The following MAGI1 variants were observed in gnomAD, a reference collection of about 807,000 sequenced individuals.
MAGI1 encodes the protein membrane-associated guanylate kinase, WW and PDZ domain-containing protein 1.
MAGI1 carries 58 observed loss-of-function variants against 139.9 expected under a neutral mutation model. The observed-to-expected ratio is 0.41, with a 90% confidence interval of 0.34 to 0.52. The LOEUF (loss-of-function observed/expected upper bound fraction) is 0.52. Ranked by LOEUF, MAGI1 falls within the 20% of genes least tolerant of loss-of-function variation. The pLI, the probability that MAGI1 is intolerant of heterozygous loss-of-function variation, is 0.12. For synonymous variants in MAGI1, 812 were observed against 737.9 expected, an observed-to-expected ratio of 1.10 and a Z score of -1.63; for missense variants, 1,874 against 1,901.6, an observed-to-expected ratio of 0.99 and a Z score of 0.27.
chr3:65,809,974 CCTCTCT>C (rs146092715), intron 1 of MAGI1, among the ~76,000 whole-genome samples: 21 of 149,872 alleles, frequency 1.4e-4, no homozygotes, highest in Admixed American at 5.3e-4. Context: ...TCACATATAT[CCTCTCT>C]CTCTCTCTCT....
intron 1 of MAGI1, among the ~76,000 whole-genome samples, chr3:65,746,705 TATA>T (rs1423709343): frequency 6.6e-6 from 1 of 152,148 alleles, no homozygotes; most frequent in Non-Finnish European, 1.5e-5. Flanking sequence ...GGCATTAAAA[TATA>T]ATATAGAAAT....
chr3:65,532,327 G>C (rs997543579), intron 2 of MAGI1, among the ~76,000 whole-genome samples: 3 of 152,164 alleles, frequency 2.0e-5, no homozygotes, highest in Non-Finnish European at 4.4e-5. Context: ...CTTTGAGCAT[G>C]CCAAAGCTTT....
intron 5 of MAGI1, among the ~76,000 whole-genome samples, chr3:65,460,761 A>G (rs1575833723): frequency 2.0e-5 from 3 of 152,034 alleles, no homozygotes; most frequent in African/African-American, 7.2e-5. Context: ...ATATGTCCTC[A>G]TTGTTCAACT....
intron 2 of MAGI1, among the ~76,000 whole-genome samples, chr3:65,580,318 C>CTTTT: frequency 6.7e-6 from 1 of 148,796 alleles, no homozygotes; most frequent in Non-Finnish European, 1.5e-5. Context: ...CTTTTTTCTC[C>CTTTT]TTTTTTTTTT....
chr3:65,782,733 G>A (rs2039039412), intron 1 of MAGI1, among the ~76,000 whole-genome samples: 1 of 150,716 alleles, frequency 6.6e-6, no homozygotes, highest in African/African-American at 2.4e-5. Context: ...TTGTTTTCAG[G>A]TGTAATACCT....
intron 14 of MAGI1, among the ~76,000 whole-genome samples, chr3:65,384,863 A>G (rs1384066872): frequency 6.6e-6 from 1 of 152,010 alleles, no homozygotes; most frequent in East Asian, 1.9e-4. Flanking sequence ...GGATTTTTAT[A>G]TCCTTGGTGG....
chr3:65,457,588 T>C lies in MAGI1; in HGVS notation c.960-4248A>G, dbSNP rs533224606. On this transcript the variant is annotated intron_variant, in intron 5 of 22. Transcript: ENST00000402939. Reference sequence around the variant, plus strand: ...ATTATTTTTTTGAGCAACCTTAAATTATATTTTATTTTTGATTTTGGTAAC... The same window carrying C: ...ATTATTTTTTTGAGCAACCTTAAATCATATTTTATTTTTGATTTTGGTAAC... Among the ~76,000 whole-genome samples the C allele has an allele frequency of 2.0e-5, 3 of 152,272 alleles. No homozygotes were observed. In the Middle Eastern group the frequency reaches 0.01, roughly 518 times the overall value.
intron 18 of MAGI1, among the ~76,000 whole-genome samples, chr3:65,367,266 C>G: frequency 6.6e-6 from 1 of 152,164 alleles, no homozygotes; most frequent in East Asian, 1.9e-4. Flanking sequence ...CCAGAGTTTT[C>G]TGAGCAGATC....
chr3:65,627,615 C>T (rs1229816099), intron 1 of MAGI1, among the ~76,000 whole-genome samples: 1 of 148,552 alleles, frequency 6.7e-6, no homozygotes, highest in African/African-American at 2.5e-5. Context: ...TCACGCCATC[C>T]TCCTGCCTCA....
chr3:66,012,924 T>A lies in MAGI1; in HGVS notation c.313+25072A>T, dbSNP rs192047091. ...ACCCATCCCCATTTCCTCTAGGGTT[T>A]TACTGGGAAGCAAAGAAAAGAGGAA... On this transcript the variant is annotated intron_variant, in intron 1 of 22. Transcript: ENST00000402939. Among the ~76,000 whole-genome samples, 383 of 152,292 alleles carry A rather than the reference T, an allele frequency of 2.5e-3. 8 individuals carry two copies. Among genetic ancestry groups the A allele is most frequent in the African/African-American group, 3.5e-3 (145 of 41,568 alleles).
rs112445719 is a variant in MAGI1 at position 65,475,420 on chromosome 3, G to C, written c.757+3172C>G. On this transcript the variant is annotated intron_variant, in intron 4 of 22. Coordinates refer to ENST00000402939, the MANE Select transcript of MAGI1 (RefSeq NM_001033057.2). ...GTAGAGATGGAGTTTTACCATGTTG[G>C]CCAGGCTGGTCTTGAACTCCTGACC... Among the ~76,000 whole-genome samples the C allele has an allele frequency of 2.8e-3, 429 of 152,118 alleles. 1 individual carries two copies. Among genetic ancestry groups the C allele is most frequent in the African/African-American group, 9.8e-3 (405 of 41,520 alleles).
chr3:65,640,897 A>T (rs2084944639), intron 1 of MAGI1, among the ~76,000 whole-genome samples: 2 of 152,200 alleles, frequency 1.3e-5, no homozygotes, highest in East Asian at 1.9e-4. Flanking sequence ...TCACTGAAAC[A>T]AACTGAAATA....
chr3:65,530,762 TATATATATATACACAC>T lies in MAGI1; in HGVS notation c.431-37147_431-37132del, dbSNP rs1308396036. ...ATATGCACATATATATACACGTATA[TATATATATATACACAC>T]ATATATATACACGTATATATATATA... On this transcript the variant is annotated intron_variant, in intron 2 of 22. Coordinates refer to ENST00000402939, the MANE Select transcript of MAGI1 (RefSeq NM_001033057.2). Among the ~76,000 whole-genome samples, 9 of 12,792 alleles carry T rather than the reference TATATATATATACACAC, an allele frequency of 7.0e-4. 1 individual carries two copies. The highest frequency in any genetic ancestry group is 2.3e-3 in the African/African-American group (9 of 3,836). 8.4% of individuals were successfully genotyped at this position (12,792 alleles called of 152,430 possible). A position where few individuals can be genotyped will look rare whatever the true frequency, so the allele number is the denominator to read the frequency against.
intron 14 of MAGI1, chr3:65,387,084 G>A (rs1261222922): frequency 2.7e-6 from 4 of 1,465,062 alleles, no homozygotes; most frequent in Admixed American, 1.7e-5. Flanking sequence ...CCAGACCAAT[G>A]AGAACATCAA....
intron 2 of MAGI1, among the ~76,000 whole-genome samples, chr3:65,517,867 C>G (rs1436498778): frequency 6.6e-6 from 1 of 152,190 alleles, no homozygotes; most frequent in African/African-American, 2.4e-5. Context: ...TTTCAGATCT[C>G]CAACACCAAT....
At chr3:65,952,950 G>A (rs1326922569) in intron 1 of MAGI1, among the ~76,000 whole-genome samples, 1 of 152,134 alleles carries the variant, frequency 6.6e-6, no homozygotes, top group Non-Finnish European at 1.5e-5. Flanking sequence ...CTGTTCTAAG[G>A]ACTACAAATA....
At chr3:65,661,212 C>T (rs980341850) in intron 1 of MAGI1, among the ~76,000 whole-genome samples, 4 of 152,118 alleles carry the variant, frequency 2.6e-5, no homozygotes, top group Admixed American at 6.5e-5. Context: ...TTTTGGATCC[C>T]TAGTCTAAAA....
rs139247162 is a variant in MAGI1, at chr3:65,751,322, AAG to A, written c.314-129236_314-129235del. On this transcript the variant is annotated intron_variant, in intron 1 of 22. Coordinates refer to ENST00000402939, the MANE Select transcript of MAGI1 (RefSeq NM_001033057.2). Reference sequence around the variant, plus strand: ...TGCTGGGCAATGGTGCACTGACAGAAAGAGCCTGAGAAATGTTCCCGGCATCA... The same window carrying A: ...TGCTGGGCAATGGTGCACTGACAGAAAGCCTGAGAAATGTTCCCGGCATCA... Among the ~76,000 whole-genome samples the A allele has an allele frequency of 4.1e-3, 626 of 152,322 alleles. 7 individuals carry two copies. The highest frequency in any genetic ancestry group is 0.015 in the African/African-American group (603 of 41,568).
rs1045678971 is a variant in MAGI1, at chr3:65,675,964, G to A, written c.314-53876C>T. Among the ~76,000 whole-genome samples the A allele has an allele frequency of 3.3e-5, 5 of 152,214 alleles. No homozygotes were observed. The South Asian group carries it at 6.2e-4, about 19-fold the overall frequency. On this transcript the variant is annotated intron_variant, in intron 1 of 22. Transcript: ENST00000402939. ...GGACTCAATTTTCACCTTGTTTGACGACTTTAAGCTACCCTATATATGTCA... is the reference window on the plus strand; with the variant it reads ...GGACTCAATTTTCACCTTGTTTGACAACTTTAAGCTACCCTATATATGTCA...
Sources: gnomAD v4.1 joint callset for allele counts (sites outside exome capture counted in the v4.1 genomes callset) on GRCh38, gnomAD v4.1.1 for gene constraint, MANE v1.5 for transcripts, NCBI Gene and HGNC (gene_info 2026-07-23, HGNC 2026-07-21) for gene names.